The following PDE1A variants were observed in gnomAD, a reference collection of about 807,000 sequenced individuals.
The protein encoded by PDE1A is dual specificity calcium/calmodulin-dependent 3',5'-cyclic nucleotide phosphodiesterase 1A.
Under a neutral mutation model 61.7 loss-of-function variants are expected in PDE1A, and 35 were observed. The ratio of observed to expected loss-of-function variants is 0.57; its 90% CI spans 0.43 to 0.75. PDE1A has a LOEUF of 0.75. Ranked by LOEUF, PDE1A falls within the 30% of genes least tolerant of loss-of-function variation. The pLI, the probability that PDE1A is intolerant of heterozygous loss-of-function variation, is 0.00. For synonymous variants in PDE1A, 232 were observed against 213.2 expected, an observed-to-expected ratio of 1.09 and a Z score of -0.77; for missense variants, 597 against 630.6, an observed-to-expected ratio of 0.95 and a Z score of 0.57.
intron 13 of PDE1A, among the ~76,000 whole-genome samples, chr2:182,183,465 G>A (rs1293881184): frequency 6.6e-6 from 1 of 152,114 alleles, no homozygotes; most frequent in African/African-American, 2.4e-5. Flanking sequence ...TTTCCTGTTG[G>A]ATGTGGTAGA....
chr2:182,143,599 T>TCCGCCTC (rs1323213987), downstream of PDE1A, among the ~76,000 whole-genome samples: 4 of 152,116 alleles, frequency 2.6e-5, no homozygotes, highest in Admixed American at 6.5e-5. Context: ...CACTGCAAGC[T>TCCGCCTC]CCGCCTCCCG....
intron 13 of PDE1A, among the ~76,000 whole-genome samples, chr2:182,173,737 C>T (rs542918149): frequency 6.6e-6 from 1 of 151,762 alleles, no homozygotes; most frequent in South Asian, 2.1e-4. Flanking sequence ...CTAAAATGTA[C>T]ATGTATATTC....
chr2:182,147,500 T>TTCTAATGA (rs1214209580), intron 13 of PDE1A, among the ~76,000 whole-genome samples: 1 of 152,220 alleles, frequency 6.6e-6, no homozygotes, highest in Non-Finnish European at 1.5e-5. Context: ...TAACTAAACC[T>TTCTAATGA]TCTAATGATC....
the PDE1A span, among the ~76,000 whole-genome samples, chr2:182,614,193 T>TA: frequency 9.2e-5 from 14 of 152,334 alleles, no homozygotes; most frequent in Non-Finnish European, 1.5e-4. Flanking sequence ...ACTAATAACT[T>TA]AGTCAAGGAA....
intron 8 of PDE1A, among the ~76,000 whole-genome samples, chr2:182,205,654 CAG>C (rs1433261204): frequency 2.0e-5 from 3 of 151,966 alleles, no homozygotes; most frequent in Non-Finnish European, 4.4e-5. Context: ...AGCTCCATTC[CAG>C]AGAGTGTGTA....
At chr2:182,632,628 T>G in the PDE1A span, among the ~76,000 whole-genome samples, 3 of 152,166 alleles carry the variant, frequency 2.0e-5, no homozygotes, top group African/African-American at 2.4e-5. Context: ...TCTAGACTTA[T>G]GAAAATGTCC....
chr2:182,378,639 G>A (rs770855188), intron 1 of PDE1A, among the ~76,000 whole-genome samples: 11 of 152,092 alleles, frequency 7.2e-5, no homozygotes, highest in African/African-American at 2.2e-4. Flanking sequence ...ACTTAGACCC[G>A]TTTGCATGTT....
chr2:182,613,069 G>A, the PDE1A span, among the ~76,000 whole-genome samples: 53 of 152,234 alleles, frequency 3.5e-4, 1 homozygote, highest in South Asian at 8.9e-3. Context: ...TTTAAAATTC[G>A]TAGCAAATTG....
chr2:182,271,682 G>A (rs961221028), intron 1 of PDE1A, among the ~76,000 whole-genome samples: 1 of 152,110 alleles, frequency 6.6e-6, no homozygotes. Flanking sequence ...TTTCTGGTCA[G>A]TGTTAACCAT....
intron 2 of PDE1A, among the ~76,000 whole-genome samples, chr2:182,256,340 G>GT (rs1368465513): frequency 6.7e-6 from 1 of 148,574 alleles, no homozygotes; most frequent in Non-Finnish European, 1.5e-5. Flanking sequence ...GCGGTGTTTG[G>GT]TTTTTTGTTC....
At chr2:182,444,633 TTCTC>T (rs1177097391) in intron 2 of PDE1A, among the ~76,000 whole-genome samples, 1 of 151,782 alleles carries the variant, frequency 6.6e-6, no homozygotes, top group South Asian at 2.1e-4. Context: ...CTCTCTCTCT[TTCTC>T]TCTCTCTTTC....
chr2:182,351,496 C>G (rs1698876258), intron 1 of PDE1A, among the ~76,000 whole-genome samples: 1 of 152,126 alleles, frequency 6.6e-6, no homozygotes, highest in Admixed American at 6.6e-5. Flanking sequence ...GGGGGAAAAG[C>G]AGTACCAATT....
rs58684572 is a variant in PDE1A at position 182,222,735 on chromosome 2, G to GAA, written c.776+1127_776+1128dup. ...TCTAAGAAATAAAGTCTATTAATTAGAAAAAAAAATCAGATCTAATCTTTC... is the reference window on the plus strand; with the variant it reads ...TCTAAGAAATAAAGTCTATTAATTAGAAAAAAAAAAATCAGATCTAATCTTTC... On this transcript the variant is annotated intron_variant, in intron 7 of 13. Coordinates refer to ENST00000351439, the Ensembl canonical transcript of PDE1A. Among the ~76,000 whole-genome samples, 487 of 150,956 alleles carry GAA rather than the reference G, an allele frequency of 3.2e-3. 2 individuals are homozygous for GAA. The highest frequency in any genetic ancestry group is 0.011 in the African/African-American group (471 of 41,156).
the PDE1A span, among the ~76,000 whole-genome samples, chr2:182,595,804 G>T: frequency 6.6e-6 from 1 of 152,160 alleles, no homozygotes; most frequent in Non-Finnish European, 1.5e-5. Context: ...GAAGGAGGAG[G>T]ACTACTATTT....
chr2:182,562,018 T>G, the PDE1A span, among the ~76,000 whole-genome samples: 1 of 151,200 alleles, frequency 6.6e-6, no homozygotes, highest in Admixed American at 6.6e-5. Flanking sequence ...ACAATTTGAC[T>G]TCCTCTTTTC....
the PDE1A span, among the ~76,000 whole-genome samples, chr2:182,534,083 G>A: frequency 6.6e-6 from 1 of 152,024 alleles, no homozygotes; most frequent in Admixed American, 6.5e-5. Flanking sequence ...CCCCTGAGAG[G>A]AAATAACAAC....
chr2:182,235,689 TC>T (rs1689953901), intron 3 of PDE1A, among the ~76,000 whole-genome samples: 2 of 152,182 alleles, frequency 1.3e-5, no homozygotes, highest in Admixed American at 6.5e-5. Context: ...AATTTTTATA[TC>T]AAGTTAGTCC....
the PDE1A span, among the ~76,000 whole-genome samples, chr2:182,662,419 C>T: frequency 1.1e-4 from 16 of 151,650 alleles, 1 homozygote; most frequent in African/African-American, 3.9e-4. Flanking sequence ...GGAGGCATCA[C>T]ACTACCCTGC....
intron 1 of PDE1A, among the ~76,000 whole-genome samples, chr2:182,336,960 CTTTTTT>C (rs71008221): frequency 0.24 from 35,034 of 145,996 alleles, 4,310 homozygotes; most frequent in African/African-American, 0.31. Flanking sequence ...ACATGTATCC[CTTTTTT>C]TTTTTTTTTT....
Sources: allele counts gnomAD v4.1 joint callset (sites outside exome capture counted in the v4.1 genomes callset), GRCh38; gene constraint gnomAD v4.1.1; transcripts MANE v1.5; gene names NCBI Gene and HGNC (gene_info 2026-07-23, HGNC 2026-07-21).